Variants in GREB1L observed in about 807,000 individuals in gnomAD.
GREB1L encodes the protein GREB1-like protein.
In GREB1L, 17 loss-of-function variants were observed where a neutral mutation model predicts 200.8. That is an observed-to-expected ratio of 0.08 (90% CI 0.06 to 0.13). GREB1L has a LOEUF of 0.13. Ranked by LOEUF, GREB1L falls within the 10% of genes least tolerant of loss-of-function variation. The pLI is 1.00. For synonymous variants in GREB1L, 789 were observed against 893.0 expected (o/e 0.88, Z 2.08); for missense variants, 1,657 against 2,367.7 (o/e 0.70, Z 6.23).
intron 16 of GREB1L, among the ~76,000 whole-genome samples, chr18:21,474,466 CTT>C (rs1329059437): frequency 6.6e-6 from 1 of 152,200 alleles, no homozygotes; most frequent in Admixed American, 6.5e-5. Context: ...CTGCAGCAAA[CTT>C]TTGCCTGGGC....
intron 1 of GREB1L, among the ~76,000 whole-genome samples, chr18:21,325,471 CTTG>C (rs1283759576): frequency 6.6e-6 from 1 of 152,076 alleles, no homozygotes; most frequent in Non-Finnish European, 1.5e-5. Context: ...GTCATGCTGA[CTTG>C]TTGTGAAGGT....
At chr18:21,350,873 A>G (rs910887075) in intron 1 of GREB1L, among the ~76,000 whole-genome samples, 13 of 152,156 alleles carry the variant, frequency 8.5e-5, no homozygotes, top group Non-Finnish European at 1.8e-4. Context: ...ACTGTTTGAC[A>G]CTTTTATCTG....
intron 1 of GREB1L, among the ~76,000 whole-genome samples, chr18:21,356,533 A>G (rs1395151350): frequency 6.6e-6 from 1 of 152,180 alleles, no homozygotes; most frequent in Non-Finnish European, 1.5e-5. Context: ...ATAGTATTCC[A>G]TTGTGTATAT....
intron 7 of GREB1L, among the ~76,000 whole-genome samples, chr18:21,422,044 G>C (rs2032199752): frequency 6.6e-6 from 1 of 152,224 alleles, no homozygotes; most frequent in Non-Finnish European, 1.5e-5. Flanking sequence ...AGAGAGCAGA[G>C]CTGTGACTTG....
intron 1 of GREB1L, among the ~76,000 whole-genome samples, chr18:21,283,831 C>A (rs2038310511): frequency 6.6e-6 from 1 of 152,034 alleles, no homozygotes; most frequent in South Asian, 2.1e-4. Flanking sequence ...TAAGGGCAAG[C>A]CCAGGATCAA....
chr18:21,315,771 A>C (rs1201377036), intron 1 of GREB1L, among the ~76,000 whole-genome samples: 1 of 152,068 alleles, frequency 6.6e-6, no homozygotes, highest in African/African-American at 2.4e-5. Flanking sequence ...AATGACCTGG[A>C]AGGCCAGGTT....
Position 21,440,682 on chromosome 18 carries a change from T to G in GREB1L, c.1069+294T>G, listed in dbSNP as rs572173968. ...ATATATGGACTTGTTTTGCTAGTAGTGGTGTTAGATTTTCCCTGCTGTTAT... is the reference window on the plus strand; with the variant it reads ...ATATATGGACTTGTTTTGCTAGTAGGGGTGTTAGATTTTCCCTGCTGTTAT... On this transcript the variant is annotated intron_variant, in intron 9 of 32. Coordinates refer to ENST00000424526, the MANE Select transcript of GREB1L (RefSeq NM_001142966.3). Among the ~76,000 whole-genome samples, 4 of 152,306 alleles carry G rather than the reference T, an allele frequency of 2.6e-5. No homozygotes were observed. In the South Asian group the frequency reaches 8.3e-4, roughly 32 times the overall value.
At chr18:21,500,479 C>T in intron 22 of GREB1L, 61 bp from the exon 23 acceptor site, 1 of 1,258,032 alleles carries the variant, frequency 7.9e-7, no homozygotes, top group South Asian at 1.3e-5. Context: ...AATCTCTTTT[C>T]TCTTTTCTTC....
chr18:21,491,251 G>A (rs532396119), intron 19 of GREB1L, among the ~76,000 whole-genome samples: 1 of 152,236 alleles, frequency 6.6e-6, no homozygotes, highest in East Asian at 1.9e-4. Context: ...AGCTAAATTG[G>A]GTTAAGGAAA....
At chr18:21,510,724 T>C (rs971872883) in intron 27 of GREB1L, among the ~76,000 whole-genome samples, 1 of 152,198 alleles carries the variant, frequency 6.6e-6, no homozygotes. Flanking sequence ...TGCTAGATCA[T>C]GTGGCAATTC....
chr18:21,451,451 T>C (rs2034514996), intron 13 of GREB1L: 1 of 210,462 alleles, frequency 4.8e-6, no homozygotes, highest in Non-Finnish European at 9.3e-6. Context: ...CCTTCCTCCT[T>C]CCCTCCCTTC....
intron 27 of GREB1L, among the ~76,000 whole-genome samples, chr18:21,511,288 G>A (rs569129155): frequency 6.6e-5 from 10 of 151,986 alleles, no homozygotes; most frequent in Non-Finnish European, 1.5e-4. Context: ...CACTTGAACC[G>A]GGGAGGTGGA....
chr18:21,326,360 T>C (rs1449937751), intron 1 of GREB1L, among the ~76,000 whole-genome samples: 2 of 152,134 alleles, frequency 1.3e-5, no homozygotes, highest in African/African-American at 2.4e-5. Flanking sequence ...TTAAATAAAA[T>C]AGAATTTATT....
chr18:21,376,795 ACT>A (rs2040092549), intron 2 of GREB1L, among the ~76,000 whole-genome samples: 1 of 137,008 alleles, frequency 7.3e-6, no homozygotes, highest in Admixed American at 8.0e-5. Context: ...ACAGAGCGAG[ACT>A]CTGAGAGTCC....
At chr18:21,398,904 A>G (rs2041195902) in intron 5 of GREB1L, among the ~76,000 whole-genome samples, 2 of 152,338 alleles carry the variant, frequency 1.3e-5, no homozygotes, top group East Asian at 3.9e-4. Flanking sequence ...CAATGACAAC[A>G]AGAACTTCAA....
intron 17 of GREB1L, among the ~76,000 whole-genome samples, 157 bp downstream of exon 17, chr18:21,477,513 G>A (rs575409339): frequency 6.6e-6 from 1 of 152,174 alleles, no homozygotes; most frequent in East Asian, 1.9e-4. Context: ...CTGGCTGGGT[G>A]CGGTGGCTCA....
intron 2 of GREB1L, among the ~76,000 whole-genome samples, chr18:21,367,032 G>T (rs1471919605): frequency 6.6e-6 from 1 of 152,140 alleles, no homozygotes; most frequent in Non-Finnish European, 1.5e-5. Context: ...AGCAACATTA[G>T]CCTTTTTGAT....
At chr18:21,243,356 T>C (rs1208450399) in intron 1 of GREB1L, among the ~76,000 whole-genome samples, 6 of 152,198 alleles carry the variant, frequency 3.9e-5, no homozygotes, top group Non-Finnish European at 5.9e-5. Context: ...GAGAAACTCC[T>C]CAGTCTTGCC....
chr18:21,415,439 C>T (rs1421369789), intron 7 of GREB1L, among the ~76,000 whole-genome samples: 1 of 152,034 alleles, frequency 6.6e-6, no homozygotes, highest in African/African-American at 2.4e-5. Context: ...ACGCTTGAGG[C>T]TGAAGTGAGC....
Sources: gnomAD v4.1 joint callset for allele counts (sites outside exome capture counted in the v4.1 genomes callset) on GRCh38, gnomAD v4.1.1 for gene constraint, MANE v1.5 for transcripts, NCBI Gene and HGNC (gene_info 2026-07-23, HGNC 2026-07-21) for gene names.